The following SLC4A4 variants were observed in gnomAD, a reference collection of about 807,000 sequenced individuals.
The protein encoded by SLC4A4 is electrogenic sodium bicarbonate cotransporter 1.
Under a neutral mutation model 111.5 loss-of-function variants are expected in SLC4A4, and 27 were observed. The ratio of observed to expected loss-of-function variants is 0.24; its 90% CI spans 0.18 to 0.33. The LOEUF (loss-of-function observed/expected upper bound fraction) is 0.33. Among genes scored for constraint, SLC4A4 ranks in the 10% least tolerant of loss-of-function variants. The pLI, the probability that SLC4A4 is intolerant of heterozygous loss-of-function variation, is 1.00. For synonymous variants in SLC4A4, 443 were observed against 463.4 expected (o/e 0.96, Z 0.57); for missense variants, 909 against 1,315.5 (o/e 0.69, Z 4.78).
intron 3 of SLC4A4, among the ~76,000 whole-genome samples, chr4:71,306,032 A>C (rs1223239155): frequency 6.6e-6 from 1 of 152,238 alleles, no homozygotes. Context: ...TGAATTGGAT[A>C]CTGATTTGCA....
At chr4:71,329,783 T>C (rs1282652533) in intron 3 of SLC4A4, among the ~76,000 whole-genome samples, 1 of 152,182 alleles carries the variant, frequency 6.6e-6, no homozygotes, top group African/African-American at 2.4e-5. Flanking sequence ...GAGTTCCTTC[T>C]TTCCAAATTG....
intron 2 of SLC4A4, among the ~76,000 whole-genome samples, chr4:71,165,673 T>A (rs942670059): frequency 3.3e-5 from 5 of 152,156 alleles, no homozygotes; most frequent in African/African-American, 1.2e-4. Context: ...CTGCACATTC[T>A]GCACATGTAT....
intron 1 of SLC4A4, among the ~76,000 whole-genome samples, chr4:71,194,671 T>C (rs906633170): frequency 6.6e-6 from 1 of 152,170 alleles, no homozygotes; most frequent in Non-Finnish European, 1.5e-5. Context: ...CTTCACTCCA[T>C]GAGTGATCCC....
At chr4:71,365,722 T>C (rs1731189254) in intron 6 of SLC4A4, among the ~76,000 whole-genome samples, 1 of 152,152 alleles carries the variant, frequency 6.6e-6, no homozygotes, top group Admixed American at 6.5e-5. Flanking sequence ...TCCAACACTC[T>C]TCAAGATGTT....
chr4:71,520,422 A>G (rs1235484664), intron 16 of SLC4A4, among the ~76,000 whole-genome samples: 1 of 152,236 alleles, frequency 6.6e-6, no homozygotes, highest in Non-Finnish European at 1.5e-5. Context: ...ACTAGTGGAA[A>G]CCAGTCAAGT....
intron 3 of SLC4A4, among the ~76,000 whole-genome samples, chr4:71,295,378 A>G (rs1724706370): frequency 6.6e-6 from 1 of 152,148 alleles, no homozygotes; most frequent in Non-Finnish European, 1.5e-5. Context: ...CTGGACTGGT[A>G]CTTTCATTGT....
intron 1 of SLC4A4, among the ~76,000 whole-genome samples, chr4:71,087,930 G>A (rs1162510332): frequency 6.6e-6 from 1 of 151,898 alleles, no homozygotes; most frequent in East Asian, 1.9e-4. Context: ...TCTGCTTGGT[G>A]CAGAGCTGAG....
At chr4:71,343,773 G>T (rs993618274) in intron 4 of SLC4A4, among the ~76,000 whole-genome samples, 2 of 152,036 alleles carry the variant, frequency 1.3e-5, no homozygotes, top group Non-Finnish European at 2.9e-5. Context: ...CTTCCTTTAT[G>T]AATTATCTGC....
intron 1 of SLC4A4, among the ~76,000 whole-genome samples, chr4:71,081,066 T>C (rs982130244): frequency 1.4e-4 from 22 of 152,038 alleles, no homozygotes; most frequent in African/African-American, 4.1e-4. Context: ...AAACTTGTGT[T>C]TTATTTTATT....
At chr4:71,361,711 T>C (rs1730808194) in intron 6 of SLC4A4, among the ~76,000 whole-genome samples, 1 of 152,252 alleles carries the variant, frequency 6.6e-6, no homozygotes, top group African/African-American at 2.4e-5. Flanking sequence ...CCTAATAATT[T>C]GGTCTGAGAT....
intron 9 of SLC4A4, 127 bp downstream of exon 9, chr4:71,447,860 G>C: frequency 2.7e-6 from 2 of 735,608 alleles, no homozygotes; most frequent in Admixed American, 2.0e-5. Context: ...CATGAGGTAC[G>C]GTCATTTGAG....
intron 1 of SLC4A4, among the ~76,000 whole-genome samples, chr4:71,201,766 A>G (rs1019049374): frequency 6.6e-6 from 1 of 152,198 alleles, no homozygotes; most frequent in South Asian, 2.1e-4. Context: ...GCAAGAGGAA[A>G]ACATCTGACA....
chr4:71,398,220 G>T (rs1720008287), intron 7 of SLC4A4, among the ~76,000 whole-genome samples: 1 of 151,664 alleles, frequency 6.6e-6, no homozygotes, highest in Non-Finnish European at 1.5e-5. Flanking sequence ...GAGAGGCAGA[G>T]GTTGCATTGC....
chr4:71,427,389 G>A (rs576962438), intron 7 of SLC4A4, among the ~76,000 whole-genome samples: 1 of 152,020 alleles, frequency 6.6e-6, no homozygotes, highest in Non-Finnish European at 1.5e-5. Context: ...ACAAGTCAAT[G>A]ATATAATATT....
At chr4:71,165,796 C>A (rs2148979632) in intron 2 of SLC4A4, among the ~76,000 whole-genome samples, 1 of 151,824 alleles carries the variant, frequency 6.6e-6, no homozygotes, top group African/African-American at 2.4e-5. Context: ...CCAATGAGTC[C>A]CAAAATAAAA....
chr4:71,534,170 C>T, intron 17 of SLC4A4, 57 bp from the exon 18 acceptor site: 3 of 1,534,318 alleles, frequency 2.0e-6, no homozygotes, highest in Non-Finnish European at 2.7e-6. Context: ...GTTTTTTCAC[C>T]AAATAGTATA....
At chr4:71,533,626 A>G (rs1734140844) in intron 17 of SLC4A4, among the ~76,000 whole-genome samples, 1 of 151,996 alleles carries the variant, frequency 6.6e-6, no homozygotes, top group Non-Finnish European at 1.5e-5. Context: ...AAATTTACCC[A>G]GTTATTATAG....
intron 2 of SLC4A4, among the ~76,000 whole-genome samples, chr4:71,252,068 T>C (rs987979154): frequency 6.6e-6 from 1 of 152,198 alleles, no homozygotes; most frequent in African/African-American, 2.4e-5. Context: ...TCAGTCTTCA[T>C]GACATATCCC....
intron 3 of SLC4A4, among the ~76,000 whole-genome samples, chr4:71,255,648 A>G (rs770942437): frequency 1.5e-4 from 23 of 152,152 alleles, no homozygotes; most frequent in Non-Finnish European, 8.8e-5. Flanking sequence ...TGTGTATTCT[A>G]CATTTTTATG....
Sources: gnomAD v4.1 joint callset for allele counts (sites outside exome capture counted in the v4.1 genomes callset) on GRCh38, gnomAD v4.1.1 for gene constraint, MANE v1.5 for transcripts, NCBI Gene and HGNC (gene_info 2026-07-23, HGNC 2026-07-21) for gene names.